RGS7: variants seen among roughly 807,000 people sequenced by gnomAD.
RGS7 encodes regulator of G-protein signaling 7.
A neutral mutation model predicts 81.1 loss-of-function variants in RGS7; 27 were observed. That is an observed-to-expected ratio of 0.33 (90% CI 0.25 to 0.46). The LOEUF is 0.46. RGS7 is among the 20% of genes least tolerant of loss of function. RGS7 has a pLI of 1.00. For synonymous variants in RGS7, 208 were observed against 207.7 expected (o/e 1.00, Z -0.01); for missense variants, 396 against 607.4 (o/e 0.65, Z 3.66).
intron 2 of RGS7, among the ~76,000 whole-genome samples, chr1:241,213,861 C>T (rs921382657): frequency 1.3e-5 from 2 of 152,136 alleles, no homozygotes; most frequent in African/African-American, 4.8e-5. Context: ...ACTTCCCAAG[C>T]TTAAGCGATC....
intron 2 of RGS7, among the ~76,000 whole-genome samples, chr1:241,281,471 T>TAAC (rs1259361173): frequency 1.3e-5 from 2 of 152,208 alleles, no homozygotes; most frequent in African/African-American, 4.8e-5. Flanking sequence ...TCATCATGTT[T>TAAC]AGTGCAAACC....
At chr1:241,192,768 C>A (rs185224364) in intron 2 of RGS7, among the ~76,000 whole-genome samples, 1 of 152,254 alleles carries the variant, frequency 6.6e-6, no homozygotes, top group African/African-American at 2.4e-5. Context: ...CTCCTCACTT[C>A]ATTCCTGCCT....
chr1:241,065,088 T>C (rs931190606), intron 3 of RGS7, among the ~76,000 whole-genome samples: 9 of 152,084 alleles, frequency 5.9e-5, no homozygotes, highest in African/African-American at 1.7e-4. Context: ...CCACCACTTA[T>C]TAGTTATGTA....
rs561701848 is a variant in RGS7, at chr1:240,958,015, G to A, written c.227-21309C>T. Among the ~76,000 whole-genome samples the A allele has an allele frequency of 1.6e-3, 245 of 152,266 alleles. 9 individuals carry two copies. In the South Asian group the frequency reaches 0.049, roughly 30 times the overall value. Reference sequence around the variant, plus strand: ...TAGTAGGAGTCCAATGAGGAAGAAGGCACTGAAAGGCAGAAGAAGGCACAA... The same window carrying A: ...TAGTAGGAGTCCAATGAGGAAGAAGACACTGAAAGGCAGAAGAAGGCACAA... On this transcript the variant is annotated intron_variant, in intron 4 of 18. Transcript: ENST00000440928.
intron 18 of RGS7, among the ~76,000 whole-genome samples, chr1:240,795,915 C>T (rs1465010038): frequency 1.3e-5 from 2 of 152,090 alleles, no homozygotes; most frequent in Non-Finnish European, 2.9e-5. Context: ...AACTGAGGTT[C>T]AGCAGTTTAA....
intron 3 of RGS7, among the ~76,000 whole-genome samples, chr1:241,069,637 G>A (rs1292282381): frequency 6.6e-6 from 1 of 152,082 alleles, no homozygotes; most frequent in African/African-American, 2.4e-5. Flanking sequence ...TTGTACTACT[G>A]AAATGGTAAA....
intron 2 of RGS7, among the ~76,000 whole-genome samples, chr1:241,336,668 T>G (rs1009124003): frequency 6.6e-6 from 1 of 152,254 alleles, no homozygotes; most frequent in East Asian, 1.9e-4. Context: ...TAGGACTATA[T>G]GAATGATTAA....
intron 2 of RGS7, among the ~76,000 whole-genome samples, chr1:241,329,563 C>T (rs1553321743): frequency 6.6e-6 from 1 of 152,092 alleles, no homozygotes; most frequent in Non-Finnish European, 1.5e-5. Context: ...TGCAATGAAG[C>T]GCTAATCCTC....
intron 3 of RGS7, among the ~76,000 whole-genome samples, chr1:241,094,199 A>G (rs1427868660): frequency 1.3e-5 from 2 of 151,728 alleles, no homozygotes; most frequent in Non-Finnish European, 2.9e-5. Context: ...GGCATTACCC[A>G]GCCCCTAGGT....
intron 6 of RGS7, among the ~76,000 whole-genome samples, chr1:240,913,474 T>C (rs1442201343): frequency 2.6e-5 from 4 of 152,206 alleles, no homozygotes; most frequent in South Asian, 2.1e-4. Context: ...CTTTCGGCCA[T>C]AATTTTCATT....
At chr1:241,118,119 T>C (rs879299105) in intron 2 of RGS7, among the ~76,000 whole-genome samples, 1 of 152,230 alleles carries the variant, frequency 6.6e-6, no homozygotes, top group Non-Finnish European at 1.5e-5. Context: ...TGAATAAAAA[T>C]TAAAATAGAT....
intron 2 of RGS7, among the ~76,000 whole-genome samples, chr1:241,131,645 G>C (rs1321086352): frequency 6.6e-6 from 1 of 152,150 alleles, no homozygotes; most frequent in Non-Finnish European, 1.5e-5. Context: ...CACCTGAACT[G>C]TCATGCATTT....
At chr1:240,953,026 C>G (rs937930621) in intron 4 of RGS7, among the ~76,000 whole-genome samples, 1 of 151,806 alleles carries the variant, frequency 6.6e-6, no homozygotes, top group African/African-American at 2.4e-5. Flanking sequence ...TTTTCTATTA[C>G]AATCCTAAAT....
chr1:241,048,577 A>G (rs2061076213), intron 3 of RGS7, among the ~76,000 whole-genome samples: 1 of 152,206 alleles, frequency 6.6e-6, no homozygotes, highest in South Asian at 2.1e-4. Flanking sequence ...GGAAGATATT[A>G]AATAAGTCTG....
intron 3 of RGS7, among the ~76,000 whole-genome samples, chr1:241,028,709 C>A (rs1377247897): frequency 1.3e-5 from 2 of 152,112 alleles, no homozygotes; most frequent in African/African-American, 2.4e-5. Flanking sequence ...GGCACAGACA[C>A]CCTTAGGATA....
intron 6 of RGS7, among the ~76,000 whole-genome samples, chr1:240,921,153 C>T (rs74895078): frequency 1.3e-5 from 2 of 151,680 alleles, no homozygotes; most frequent in Admixed American, 6.6e-5. Flanking sequence ...TGAAGTTCAC[C>T]ATTAAAAGGA....
At chr1:241,300,519 T>C (rs1955358) in intron 2 of RGS7, among the ~76,000 whole-genome samples, 109,667 of 152,144 alleles carry the variant, frequency 0.72, 40,835 homozygotes, top group East Asian at 0.98. Flanking sequence ...AATCACATAG[T>C]ATGTAGACTT....
intron 4 of RGS7, among the ~76,000 whole-genome samples, chr1:240,958,709 C>T (rs1388332881): frequency 6.8e-6 from 1 of 147,026 alleles, no homozygotes; most frequent in Non-Finnish European, 1.6e-5. Context: ...CACTCTCCTC[C>T]GTACCTCTCC....
intron 2 of RGS7, among the ~76,000 whole-genome samples, chr1:241,170,480 C>T (rs576402544): frequency 3.3e-5 from 5 of 152,132 alleles, no homozygotes; most frequent in African/African-American, 1.2e-4. Flanking sequence ...TAGCCTTATA[C>T]GGAGACAGAA....
Sources: gnomAD v4.1 joint callset for allele counts (sites outside exome capture counted in the v4.1 genomes callset) on GRCh38, gnomAD v4.1.1 for gene constraint, MANE v1.5 for transcripts, NCBI Gene and HGNC (gene_info 2026-07-23, HGNC 2026-07-21) for gene names.